PKP4: variants seen among roughly 807,000 people sequenced by gnomAD.
The protein encoded by PKP4 is plakophilin-4.
Under a neutral mutation model 145.1 loss-of-function variants are expected in PKP4, and 90 were observed. The ratio of observed to expected loss-of-function variants is 0.62; its 90% CI spans 0.52 to 0.74. The LOEUF is 0.74. Ranked by LOEUF, PKP4 falls within the 30% of genes least tolerant of loss-of-function variation. PKP4 has a pLI of 0.00. For synonymous variants in PKP4, 563 were observed against 577.2 expected, an observed-to-expected ratio of 0.98 and a Z score of 0.35; for missense variants, 1,340 against 1,482.7, an observed-to-expected ratio of 0.90 and a Z score of 1.58.
At chr2:158,598,666 G>A (rs1436671373) in intron 3 of PKP4, among the ~76,000 whole-genome samples, 1 of 152,174 alleles carries the variant, frequency 6.6e-6, no homozygotes, top group Non-Finnish European at 1.5e-5. Context: ...CTACTTGGGA[G>A]GCTGAGGGAG....
rs1473723365 is a variant in PKP4 at position 158,578,476 on chromosome 2, G to A, written c.245+1093G>A. ...TAATAAATTAGAAATTTCTAACTCA[G>A]ACTTTGCAATACCCAATGAAATAAT... On this transcript the variant is annotated intron_variant, in intron 3 of 21. Transcript: ENST00000389759. 2.0e-5 allele frequency among the ~76,000 whole-genome samples: 3 copies of A among 147,152 alleles called. No homozygotes were observed. The Admixed American group carries it at 2.1e-4, about 10-fold the overall frequency.
intron 1 of PKP4, among the ~76,000 whole-genome samples, chr2:158,512,897 T>C (rs2041634306): frequency 2.0e-5 from 3 of 152,230 alleles, no homozygotes; most frequent in Non-Finnish European, 4.4e-5. Flanking sequence ...AGTACACTTC[T>C]CCTTTCTAGG....
chr2:158,512,266 A>T (rs536283714), intron 1 of PKP4, among the ~76,000 whole-genome samples: 1 of 152,386 alleles, frequency 6.6e-6, no homozygotes, highest in African/African-American at 2.4e-5. Context: ...ATAAACTGCC[A>T]TGAAAACAAA....
intron 1 of PKP4, among the ~76,000 whole-genome samples, chr2:158,482,024 G>A (rs577420853): frequency 1.3e-3 from 193 of 152,300 alleles, no homozygotes; most frequent in African/African-American, 4.4e-3. Flanking sequence ...AGAGTTTTCA[G>A]TTGTGATCGC....
chr2:158,634,957 T>C (rs1553467172), intron 9 of PKP4, among the ~76,000 whole-genome samples: 2 of 152,240 alleles, frequency 1.3e-5, no homozygotes, highest in Non-Finnish European at 2.9e-5. Flanking sequence ...ACCTTGTCCT[T>C]AAAGCCATTT....
At chr2:158,675,405 C>T (rs981309316) in intron 19 of PKP4, among the ~76,000 whole-genome samples, 4 of 151,774 alleles carry the variant, frequency 2.6e-5, no homozygotes, top group African/African-American at 9.7e-5. Context: ...TCAATGTGGC[C>T]CAAGGACGCC....
chr2:158,655,087 A>G (rs557225071), intron 11 of PKP4, among the ~76,000 whole-genome samples: 1 of 152,330 alleles, frequency 6.6e-6, no homozygotes, highest in Middle Eastern at 3.4e-3. Context: ...ATTTTGTACA[A>G]CTTGGCTTTT....
intron 15 of PKP4, among the ~76,000 whole-genome samples, chr2:158,663,948 G>C (rs1043789135): frequency 2.0e-5 from 3 of 152,188 alleles, no homozygotes; most frequent in African/African-American, 7.2e-5. Flanking sequence ...CAGAGAAGAC[G>C]TGTGGGCCAG....
chr2:158,615,159 A>G lies in PKP4; in HGVS notation c.281-5831A>G, dbSNP rs1352062998. ...TTTAACAAAAGGAATCTTATTTTGT[A>G]TCTCCCACTGACAGATATTCCCATT... is the stretch of plus-strand genomic sequence containing the variant. On this transcript the variant is annotated intron_variant, in intron 4 of 21. Transcript: ENST00000389759. Among the ~76,000 whole-genome samples the G allele has an allele frequency of 7.2e-5, 11 of 152,166 alleles. No homozygotes were observed. The East Asian group carries it at 2.1e-3, about 29-fold the overall frequency.
chr2:158,675,021 T>C (rs970202663), intron 19 of PKP4, among the ~76,000 whole-genome samples: 1 of 152,212 alleles, frequency 6.6e-6, no homozygotes, highest in Non-Finnish European at 1.5e-5. Flanking sequence ...TGGGTTGCTT[T>C]CTTGAAAGAA....
At chr2:158,533,579 A>G in intron 2 of PKP4, 3 of 545,022 alleles carry the variant, frequency 5.5e-6, no homozygotes, top group Non-Finnish European at 1.1e-5. Context: ...TCTCTCCCAC[A>G]TTGCAGAGTG....
At chr2:158,616,421 A>G in intron 4 of PKP4, among the ~76,000 whole-genome samples, 1 of 152,186 alleles carries the variant, frequency 6.6e-6, no homozygotes, top group East Asian at 1.9e-4. Context: ...TCCTACAGGA[A>G]AGGAGAGCCC....
At chr2:158,501,396 A>G (rs550695368) in intron 1 of PKP4, among the ~76,000 whole-genome samples, 1 of 152,216 alleles carries the variant, frequency 6.6e-6, no homozygotes, top group Admixed American at 6.5e-5. Flanking sequence ...AGGTTGGTTT[A>G]TATGTGTCTG....
chr2:158,652,556 T>C (rs1034032766), intron 11 of PKP4, among the ~76,000 whole-genome samples: 32 of 152,188 alleles, frequency 2.1e-4, no homozygotes, highest in African/African-American at 7.5e-4. Flanking sequence ...AGAGACTGTA[T>C]AGGGAATGAT....
chr2:158,551,556 C>CT lies in PKP4; in HGVS notation c.132+18241dup, dbSNP rs2045626641. On this transcript the variant is annotated intron_variant, in intron 2 of 21. Coordinates refer to ENST00000389759, the MANE Select transcript of PKP4 (RefSeq NM_003628.6). ...AAGAGATAACAGCCATTTATTTACT[C>CT]TAACTCCTAAGGGAAAATAGTATTT... Among the ~76,000 whole-genome samples the CT allele has an allele frequency of 5.9e-5, 9 of 152,292 alleles. No individual in the cohort carries two copies. In the South Asian group the frequency reaches 1.9e-3, roughly 32 times the overall value.
intron 9 of PKP4, among the ~76,000 whole-genome samples, chr2:158,638,408 G>A (rs1351426446): frequency 6.6e-6 from 1 of 152,116 alleles, no homozygotes; most frequent in South Asian, 2.1e-4. Context: ...ATAATTAATT[G>A]GTTTTCAAAA....
chr2:158,557,162 T>G (rs1321397642), intron 2 of PKP4, among the ~76,000 whole-genome samples: 1 of 152,174 alleles, frequency 6.6e-6, no homozygotes, highest in Non-Finnish European at 1.5e-5. Context: ...CCATAGAAAT[T>G]ATTCACTGGG....
chr2:158,539,422 GC>G (rs1384368700), intron 2 of PKP4, among the ~76,000 whole-genome samples: 1 of 152,020 alleles, frequency 6.6e-6, no homozygotes, highest in Non-Finnish European at 1.5e-5. Flanking sequence ...CTTTTGTTTG[GC>G]CCCTATGCTT....
At chr2:158,502,910 C>A (rs527869994) in intron 1 of PKP4, among the ~76,000 whole-genome samples, 4 of 152,188 alleles carry the variant, frequency 2.6e-5, no homozygotes, top group Admixed American at 6.5e-5. Context: ...GGACACAAAT[C>A]CTCGAGACTT....
Sources: gnomAD v4.1 joint callset for allele counts (sites outside exome capture counted in the v4.1 genomes callset) on GRCh38, gnomAD v4.1.1 for gene constraint, MANE v1.5 for transcripts, NCBI Gene and HGNC (gene_info 2026-07-23, HGNC 2026-07-21) for gene names.